PLCB4: variants seen among roughly 807,000 people sequenced by gnomAD.
The protein encoded by PLCB4 is 1-phosphatidylinositol 4,5-bisphosphate phosphodiesterase beta-4.
Under a neutral mutation model 178.8 loss-of-function variants are expected in PLCB4, and 77 were observed. That is an observed-to-expected ratio of 0.43 (90% confidence interval 0.36 to 0.52). The LOEUF is 0.52. PLCB4 is among the 20% of genes least tolerant of loss of function. The pLI is 0.00. For missense variants in PLCB4, 1,024 were observed against 1,453.4 expected, an observed-to-expected ratio of 0.70 and a Z score of 4.80; for synonymous variants, 496 against 490.8, an observed-to-expected ratio of 1.01 and a Z score of -0.14.
intron 3 of PLCB4, among the ~76,000 whole-genome samples, chr20:9,253,138 C>T (rs2094198438): frequency 6.6e-6 from 1 of 152,192 alleles, no homozygotes; most frequent in Non-Finnish European, 1.5e-5. Flanking sequence ...CATCTCCAAT[C>T]AGACACACTG....
At chr20:9,391,307 T>C (rs1198157519) in intron 17 of PLCB4, among the ~76,000 whole-genome samples, 2 of 152,136 alleles carry the variant, frequency 1.3e-5, no homozygotes, top group Non-Finnish European at 2.9e-5. Context: ...AGAGAGTTAA[T>C]CACATTTTTA....
At chr20:9,369,517 A>G (rs375209022) in intron 9 of PLCB4, among the ~76,000 whole-genome samples, 1 of 152,212 alleles carries the variant, frequency 6.6e-6, no homozygotes, top group Non-Finnish European at 1.5e-5. Flanking sequence ...AATCTTAACC[A>G]TTTATTGATG....
chr20:9,447,427 C>T (rs1185483986), intron 32 of PLCB4, among the ~76,000 whole-genome samples: 1 of 152,168 alleles, frequency 6.6e-6, no homozygotes, highest in Non-Finnish European at 1.5e-5. Context: ...TCCTGTCTTC[C>T]AGCAGGCTAG....
intron 39 of PLCB4, among the ~76,000 whole-genome samples, chr20:9,477,530 G>A (rs1228626131): frequency 6.6e-6 from 1 of 152,154 alleles, no homozygotes; most frequent in Non-Finnish European, 1.5e-5. Context: ...GAACTTGGAA[G>A]TATTTAATTT....
intron 3 of PLCB4, among the ~76,000 whole-genome samples, chr20:9,238,725 T>C (rs1330290364): frequency 6.6e-6 from 1 of 152,250 alleles, no homozygotes. Flanking sequence ...AATTAGGTTA[T>C]ATTTGAGAAA....
At chr20:9,345,018 A>G (rs923754740) in intron 7 of PLCB4, among the ~76,000 whole-genome samples, 1 of 151,318 alleles carries the variant, frequency 6.6e-6, no homozygotes, top group Non-Finnish European at 1.5e-5. Context: ...GCAGCCTACT[A>G]AAAAAAAACA....
intron 28 of PLCB4, among the ~76,000 whole-genome samples, chr20:9,425,318 C>T (rs1322031344): frequency 6.6e-6 from 1 of 152,212 alleles, no homozygotes; most frequent in Non-Finnish European, 1.5e-5. Context: ...CTGTGGAATA[C>T]CTCATACATT....
intron 16 of PLCB4, 57 bp downstream of exon 16, chr20:9,390,015 T>G (rs2038009900): frequency 2.4e-6 from 2 of 850,140 alleles, no homozygotes; most frequent in African/African-American, 3.4e-5. Flanking sequence ...TAACCCCTAA[T>G]GCCCACTCCT....
intron 39 of PLCB4, among the ~76,000 whole-genome samples, chr20:9,477,605 G>A (rs184082020): frequency 6.6e-6 from 1 of 152,190 alleles, no homozygotes; most frequent in East Asian, 1.9e-4. Flanking sequence ...TTTCATGTTT[G>A]TATATTTTTC....
intron 1 of PLCB4, among the ~76,000 whole-genome samples, chr20:9,094,720 C>A (rs1189658672): frequency 2.6e-5 from 4 of 152,154 alleles, no homozygotes; most frequent in African/African-American, 9.7e-5. Flanking sequence ...TATATTATTT[C>A]TGGTTGGTCA....
chr20:9,387,299 A>G (rs769413140), intron 14 of PLCB4, among the ~76,000 whole-genome samples, 164 bp from the exon 15 acceptor site: 2 of 152,250 alleles, frequency 1.3e-5, no homozygotes, highest in Non-Finnish European at 2.9e-5. Context: ...GATGAGGAAT[A>G]TAATGTGGTT....
At chr20:9,286,189 T>C (rs927732296) in intron 3 of PLCB4, among the ~76,000 whole-genome samples, 9 of 151,998 alleles carry the variant, frequency 5.9e-5, no homozygotes, top group South Asian at 4.1e-4. Flanking sequence ...TTAGGAGTTT[T>C]AGGGGTTTTT....
At chr20:9,440,913 T>C (rs577255239) in intron 30 of PLCB4, among the ~76,000 whole-genome samples, 1 of 152,204 alleles carries the variant, frequency 6.6e-6, no homozygotes, top group Admixed American at 6.5e-5. Flanking sequence ...AGGATGGAGA[T>C]TGCAGTCAGA....
At chr20:9,252,194 G>T (rs1218732624) in intron 3 of PLCB4, among the ~76,000 whole-genome samples, 4 of 152,010 alleles carry the variant, frequency 2.6e-5, no homozygotes, top group Admixed American at 2.6e-4. Flanking sequence ...TGAAAACTGG[G>T]TCCATCACAT....
At chr20:9,101,201 A>G (rs1051691087) in intron 2 of PLCB4, among the ~76,000 whole-genome samples, 1 of 152,286 alleles carries the variant, frequency 6.6e-6, no homozygotes, top group Middle Eastern at 3.4e-3. Context: ...TAGGTGAGCT[A>G]CATGATTTGT....
intron 18 of PLCB4, 64 bp downstream of exon 18, chr20:9,393,742 G>C (rs753794648): frequency 3.6e-6 from 4 of 1,097,514 alleles, no homozygotes; most frequent in Non-Finnish European, 5.5e-6. Flanking sequence ...TTCAGCTGTT[G>C]AGAATTCAAT....
At chr20:9,280,369 A>C in intron 3 of PLCB4, 2 of 710,414 alleles carry the variant, frequency 2.8e-6, no homozygotes, top group Non-Finnish European at 3.5e-6. Flanking sequence ...TGGATTTCCA[A>C]GTTGGGAAGA....
chr20:9,116,373 A>T (rs2091779164), intron 2 of PLCB4, among the ~76,000 whole-genome samples: 1 of 152,148 alleles, frequency 6.6e-6, no homozygotes, highest in Non-Finnish European at 1.5e-5. Flanking sequence ...ACATATATAT[A>T]CATTGTGCAT....
At chr20:9,173,611 G>T (rs2093102478) in intron 2 of PLCB4, among the ~76,000 whole-genome samples, 2 of 152,158 alleles carry the variant, frequency 1.3e-5, no homozygotes, top group Non-Finnish European at 2.9e-5. Context: ...GCTTCTTGAA[G>T]TTGTGCACAT....
Sources: gnomAD v4.1 joint callset for allele counts (sites outside exome capture counted in the v4.1 genomes callset) on GRCh38, gnomAD v4.1.1 for gene constraint, MANE v1.5 for transcripts, NCBI Gene and HGNC (gene_info 2026-07-23, HGNC 2026-07-21) for gene names.